The following GPC3 variants were observed in gnomAD, a reference collection of about 807,000 sequenced individuals.
GPC3 encodes glypican 3.
GPC3 carries 3 observed loss-of-function variants against 34.4 expected under a neutral mutation model. The ratio of observed to expected loss-of-function variants is 0.09; its 90% CI spans 0.04 to 0.23. The LOEUF (loss-of-function observed/expected upper bound fraction) is 0.23, where lower values mean the gene tolerates loss of function less well. Ranked by LOEUF, GPC3 falls within the 10% of genes least tolerant of loss-of-function variation. The probability of loss-of-function intolerance (pLI) is 1.00; values close to 1 mark genes in which losing one functional copy is unlikely to be tolerated. For synonymous variants in GPC3, 177 were observed against 174.0 expected (o/e 1.02, Z -0.13); for missense variants, 351 against 445.6 (o/e 0.79, Z 1.91).
intron 5 of GPC3, among the ~76,000 whole-genome samples, chrX:133,674,173 G>C (rs1438551632): frequency 9.0e-6 from 1 of 110,979 alleles, no homozygotes; most frequent in Non-Finnish European, 1.9e-5. Context: ...ACTGCAGTTA[G>C]TTATGATGGT....
intron 7 of GPC3, among the ~76,000 whole-genome samples, chrX:133,578,513 A>G (rs762213511): frequency 1.2e-3 from 138 of 111,303 alleles, no homozygotes; most frequent in African/African-American, 4.3e-3. Flanking sequence ...ACATGGCAAA[A>G]TCTCATCTCT....
At chrX:133,901,784 G>T (rs1442757506) in intron 2 of GPC3, among the ~76,000 whole-genome samples, 1 of 112,209 alleles carries the variant, frequency 8.9e-6, no homozygotes, top group South Asian at 3.7e-4. Context: ...GAAGAGGGGG[G>T]AAAAGGTAAT....
intron 7 of GPC3, among the ~76,000 whole-genome samples, chrX:133,553,997 C>T (rs2069460898): frequency 9.6e-6 from 1 of 103,958 alleles, no homozygotes; most frequent in African/African-American, 3.9e-5. Context: ...TACAGACTAT[C>T]CTCTTTCTCT....
At position 133,581,987 on chromosome X, in the gene GPC3, C is replaced by A. The variant is rs1389493574; in HGVS notation, c.1573+14453G>T. Among the ~76,000 whole-genome samples, 4 of 111,953 alleles carry A rather than the reference C, an allele frequency of 3.6e-5. No individual in the cohort carries two copies. The East Asian group carries it at 1.1e-3, about 31-fold the overall frequency. ...CACTTTCTTAAGTCTAGAGTCTAGA[C>A]AATCAACAAAACAATAAATCAAGCC... is the stretch of plus-strand genomic sequence containing the variant. On this transcript the variant is annotated intron_variant, in intron 7 of 7. Transcript: ENST00000370818.
At chrX:133,623,561 G>A (rs920733798) in intron 6 of GPC3, among the ~76,000 whole-genome samples, 1 of 111,775 alleles carries the variant, frequency 8.9e-6, no homozygotes, top group Non-Finnish European at 1.9e-5. Context: ...AAGAGACAAA[G>A]AAGGCCATTA....
At chrX:133,822,118 G>A (rs1356999931) in intron 2 of GPC3, among the ~76,000 whole-genome samples, 1 of 111,960 alleles carries the variant, frequency 8.9e-6, no homozygotes, top group Non-Finnish European at 1.9e-5. Context: ...GTTTTAAATT[G>A]CAATACTGTT....
intron 1 of GPC3, among the ~76,000 whole-genome samples, chrX:133,961,785 C>T (rs1379242030): frequency 8.9e-6 from 1 of 111,754 alleles, no homozygotes; most frequent in East Asian, 2.8e-4. Context: ...TCACCAAATG[C>T]TACTGATTTT....
At chrX:133,717,655 T>C (rs1168984826) in intron 3 of GPC3, among the ~76,000 whole-genome samples, 2 of 110,656 alleles carry the variant, frequency 1.8e-5, no homozygotes, top group Non-Finnish European at 3.8e-5. Context: ...CTGGAATTGC[T>C]CACTCGGGAA....
intron 6 of GPC3, among the ~76,000 whole-genome samples, chrX:133,598,636 G>A (rs1055702828): frequency 3.6e-5 from 4 of 111,774 alleles, no homozygotes; most frequent in Non-Finnish European, 7.5e-5. Context: ...AGATAATTGT[G>A]GAGATTTTTC....
intron 7 of GPC3, among the ~76,000 whole-genome samples, chrX:133,594,381 TA>T (rs2124328396): frequency 9.0e-6 from 1 of 111,545 alleles, no homozygotes; most frequent in East Asian, 2.8e-4. Context: ...GTAATGACTT[TA>T]TGTAAGTTAT....
intron 5 of GPC3, among the ~76,000 whole-genome samples, chrX:133,687,756 G>A (rs765344628): frequency 1.9e-3 from 211 of 110,918 alleles, no homozygotes; most frequent in African/African-American, 6.1e-3. Context: ...GACAAAATAC[G>A]TTTATTTTTT....
intron 2 of GPC3, among the ~76,000 whole-genome samples, chrX:133,944,088 A>G (rs865936641): frequency 5.4e-5 from 6 of 110,311 alleles, no homozygotes; most frequent in East Asian, 2.8e-4. Context: ...GAGTGTATGT[A>G]TATATATATA....
chrX:133,944,708 A>T (rs1294451106), intron 2 of GPC3, among the ~76,000 whole-genome samples: 1 of 112,559 alleles, frequency 8.9e-6, no homozygotes, highest in African/African-American at 3.2e-5. Context: ...TATGTGCCAG[A>T]TATGTGACAT....
rs938472670 is a variant in GPC3, at chrX:133,565,934, C to A, written c.1574-29641G>T. Among the ~76,000 whole-genome samples, 15 of 112,358 alleles carry A rather than the reference C, an allele frequency of 1.3e-4. 1 individual carries two copies. The highest frequency in any genetic ancestry group is 2.8e-4 in the Admixed American group (3 of 10,581). ...TCACTTCTTTAAGCCCTAATTTTAT[C>A]ATCTCCAAAGTTGTAAAAATTACCT... On this transcript the variant is annotated intron_variant, in intron 7 of 7. Coordinates refer to ENST00000370818, the MANE Select transcript of GPC3 (RefSeq NM_004484.4).
intron 7 of GPC3, among the ~76,000 whole-genome samples, chrX:133,565,544 G>C (rs2069574776): frequency 9.0e-6 from 1 of 110,685 alleles, no homozygotes; most frequent in Non-Finnish European, 1.9e-5. Context: ...TTGAATTCTT[G>C]CTCTCTCTCT....
At chrX:133,839,180 C>T (rs2075812687) in intron 2 of GPC3, among the ~76,000 whole-genome samples, 1 of 111,619 alleles carries the variant, frequency 9.0e-6, no homozygotes, top group Non-Finnish European at 1.9e-5. Context: ...CTGGAAGGGC[C>T]TTACTGGCAA....
chrX:133,682,773 C>A (rs2070958268), intron 5 of GPC3, among the ~76,000 whole-genome samples: 1 of 110,773 alleles, frequency 9.0e-6, no homozygotes, highest in South Asian at 3.8e-4. Context: ...TCGAGACCAG[C>A]CTGACCAACA....
At chrX:133,949,466 GC>G (rs2124632772) in intron 2 of GPC3, among the ~76,000 whole-genome samples, 1 of 111,703 alleles carries the variant, frequency 9.0e-6, no homozygotes, top group East Asian at 2.8e-4. Context: ...TAGGCTCTAA[GC>G]AAGGACTCAA....
At chrX:133,711,647 CATA>C (rs1463504142) in intron 3 of GPC3, among the ~76,000 whole-genome samples, 1 of 111,997 alleles carries the variant, frequency 8.9e-6, no homozygotes, top group East Asian at 2.8e-4. Flanking sequence ...AACCTATTTT[CATA>C]ATAATACTAA....
Sources: gnomAD v4.1 joint callset for allele counts (sites outside exome capture counted in the v4.1 genomes callset) on GRCh38, gnomAD v4.1.1 for gene constraint, MANE v1.5 for transcripts, NCBI Gene and HGNC (gene_info 2026-07-23, HGNC 2026-07-21) for gene names.